Variants in AOPEP observed in about 807,000 individuals in gnomAD.
AOPEP encodes the protein aminopeptidase O.
AOPEP carries 77 observed loss-of-function variants against 98.1 expected under a neutral mutation model. The observed-to-expected ratio is 0.78, with a 90% CI of 0.65 to 0.95. The LOEUF (loss-of-function observed/expected upper bound fraction) is 0.95. AOPEP is among the 40% of genes least tolerant of loss of function. The probability of loss-of-function intolerance (pLI) is 0.00; values close to 1 mark genes in which losing one functional copy is unlikely to be tolerated. For synonymous variants in AOPEP, 346 were observed against 365.3 expected (o/e 0.95, Z 0.60); for missense variants, 1,024 against 1,024.7 (o/e 1.00, Z 0.01).
the AOPEP span, among the ~76,000 whole-genome samples, chr9:95,138,112 CCTACAAAACAG>C: frequency 3.3e-5 from 5 of 152,222 alleles, no homozygotes; most frequent in African/African-American, 1.2e-4. Context: ...CATTAACAGC[CCTACAAAACAG>C]GTACAAAATT....
At chr9:94,873,679 T>G (rs576825303) in intron 5 of AOPEP, among the ~76,000 whole-genome samples, 2 of 152,330 alleles carry the variant, frequency 1.3e-5, no homozygotes, top group East Asian at 1.9e-4. Context: ...AAGAACAAAT[T>G]TAGTTTCCTT....
chr9:94,926,024 G>T (rs994728426), intron 6 of AOPEP, among the ~76,000 whole-genome samples: 3 of 152,112 alleles, frequency 2.0e-5, no homozygotes, highest in Non-Finnish European at 4.4e-5. Context: ...TAATATGAAC[G>T]TGCCTCTATC....
chr9:95,014,728 C>T (rs914442265), intron 13 of AOPEP, among the ~76,000 whole-genome samples: 1 of 152,170 alleles, frequency 6.6e-6, no homozygotes, highest in Non-Finnish European at 1.5e-5. Flanking sequence ...TTTATCTTCT[C>T]ACACTCTTGC....
At chr9:94,947,339 C>T (rs543900372) in intron 7 of AOPEP, among the ~76,000 whole-genome samples, 11 of 152,098 alleles carry the variant, frequency 7.2e-5, no homozygotes, top group South Asian at 2.1e-4. Context: ...AATGCAGTGG[C>T]GCAATCAAAG....
the AOPEP span, chr9:95,107,212 AG>A: frequency 3.1e-6 from 5 of 1,614,164 alleles, no homozygotes; most frequent in Non-Finnish European, 4.2e-6. Flanking sequence ...TCCTGGGCTG[AG>A]AGGCTGCTGC....
At chr9:94,978,088 A>T (rs190867040) in intron 10 of AOPEP, among the ~76,000 whole-genome samples, 4 of 151,916 alleles carry the variant, frequency 2.6e-5, no homozygotes, top group Admixed American at 6.6e-5. Flanking sequence ...TTCCCTCCCT[A>T]CCTCACTACT....
intron 5 of AOPEP, among the ~76,000 whole-genome samples, chr9:94,897,025 G>C (rs2049679925): frequency 6.6e-6 from 1 of 150,782 alleles, no homozygotes; most frequent in African/African-American, 2.4e-5. Flanking sequence ...AAGGTGTATA[G>C]TTTGTCCTCA....
intron 3 of AOPEP, among the ~76,000 whole-genome samples, chr9:94,773,946 T>G (rs1011519923): frequency 6.6e-6 from 1 of 152,144 alleles, no homozygotes; most frequent in African/African-American, 2.4e-5. Context: ...TTGCACTTTT[T>G]TTGTAGACAT....
chr9:94,904,221 G>A (rs2050824185), intron 5 of AOPEP: 1 of 152,116 alleles, frequency 6.6e-6, no homozygotes, highest in South Asian at 2.1e-4. Context: ...AAAAGATATG[G>A]AATACCTACC....
chr9:94,979,466 G>T (rs1454107832), intron 11 of AOPEP, 39 bp downstream of exon 11: 1 of 1,327,942 alleles, frequency 7.5e-7, no homozygotes, highest in Non-Finnish European at 1.1e-6. Context: ...TCCATGGAGA[G>T]TAGTAAAGCT....
At chr9:94,958,743 T>C (rs1403353216) in intron 9 of AOPEP, among the ~76,000 whole-genome samples, 2 of 152,240 alleles carry the variant, frequency 1.3e-5, no homozygotes, top group Non-Finnish European at 2.9e-5. Flanking sequence ...TCTTTTATTA[T>C]TGAGTTTTAA....
chr9:94,911,322 A>G (rs977852907), intron 5 of AOPEP, among the ~76,000 whole-genome samples: 1 of 152,248 alleles, frequency 6.6e-6, no homozygotes, highest in Non-Finnish European at 1.5e-5. Context: ...GGTGATAAAA[A>G]CAGCCATTTG....
chr9:94,933,361 T>C (rs2055690535), intron 7 of AOPEP: 2 of 985,338 alleles, frequency 2.0e-6, no homozygotes, highest in Non-Finnish European at 2.4e-6. Flanking sequence ...AGAAGAAATC[T>C]GTTGTTTTTT....
the AOPEP span, chr9:95,135,588 A>G: frequency 1.4e-5 from 16 of 1,148,008 alleles, no homozygotes; most frequent in Non-Finnish European, 2.0e-5. Flanking sequence ...GCAATCACTA[A>G]TCCAATTTGT....
chr9:95,114,623 G>C, the AOPEP span: 1 of 1,612,634 alleles, frequency 6.2e-7, no homozygotes. Context: ...GTCAGTGTTT[G>C]CTCACCCATG....
chr9:94,833,082 C>T (rs1032918946), intron 5 of AOPEP, among the ~76,000 whole-genome samples: 3 of 151,286 alleles, frequency 2.0e-5, no homozygotes, highest in Non-Finnish European at 2.9e-5. Context: ...ATTATAGGTG[C>T]GTGCCACCAT....
the AOPEP span, chr9:95,099,094 A>G: frequency 5.1e-6 from 1 of 196,646 alleles, no homozygotes; most frequent in Non-Finnish European, 1.1e-5. Flanking sequence ...GAAAAAATAG[A>G]CAACAAATTA....
chr9:95,063,877 TC>T (rs2067576563), intron 14 of AOPEP, among the ~76,000 whole-genome samples: 1 of 151,710 alleles, frequency 6.6e-6, no homozygotes, highest in African/African-American at 2.4e-5. Flanking sequence ...GAGCGGCTCT[TC>T]CTGCTGACTG....
Position 94,916,711 on chromosome 9 carries a change from T to A in AOPEP, c.1365-7275T>A, listed in dbSNP as rs967519281. Among the ~76,000 whole-genome samples the A allele has an allele frequency of 2.7e-3, 369 of 137,118 alleles. 1 individual carries two copies. Among genetic ancestry groups the A allele is most frequent in the African/African-American group, 8.2e-3 (292 of 35,438 alleles). The allele number at this position is 137,118 out of a possible 152,430, so 90.0% of individuals were successfully genotyped here. The stretch of plus-strand genomic sequence containing the variant: ...CTCCCTCTCAAAAAAAAAAAAAAAT[T>A]AAATAAATAAATAAATAAATAAATA... On this transcript the variant is annotated intron_variant, in intron 5 of 16. Transcript: ENST00000375315.
Sources: allele counts gnomAD v4.1 joint callset (sites outside exome capture counted in the v4.1 genomes callset), GRCh38; gene constraint gnomAD v4.1.1; transcripts MANE v1.5; gene names NCBI Gene and HGNC (gene_info 2026-07-23, HGNC 2026-07-21).